Variants in XPR1 observed in about 807,000 individuals in gnomAD.
The protein encoded by XPR1 is solute carrier family 53 member 1.
In XPR1, 28 loss-of-function variants were observed where a neutral mutation model predicts 87.5. The observed-to-expected ratio is 0.32, with a 90% CI of 0.24 to 0.44. The LOEUF (loss-of-function observed/expected upper bound fraction) is 0.44. XPR1 is among the 20% of genes least tolerant of loss of function. The probability of loss-of-function intolerance (pLI) is 1.00; values close to 1 mark genes in which losing one functional copy is unlikely to be tolerated. For synonymous variants in XPR1, 300 were observed against 306.1 expected, an observed-to-expected ratio of 0.98 and a Z score of 0.21; for missense variants, 559 against 862.3, an observed-to-expected ratio of 0.65 and a Z score of 4.41.
chr1:180,770,965 T>C (rs1446916043), intron 2 of XPR1, among the ~76,000 whole-genome samples: 1 of 152,206 alleles, frequency 6.6e-6, no homozygotes, highest in East Asian at 1.9e-4. Context: ...TGGATCTTTT[T>C]ATAATGGGTT....
chr1:180,807,536 A>G (rs1650045142), intron 6 of XPR1, among the ~76,000 whole-genome samples: 1 of 152,164 alleles, frequency 6.6e-6, no homozygotes, highest in Non-Finnish European at 1.5e-5. Context: ...ACTACAAAAC[A>G]CTGCTGAGCA....
chr1:180,784,923 A>T (rs891755816), intron 2 of XPR1, among the ~76,000 whole-genome samples: 1 of 150,450 alleles, frequency 6.6e-6, no homozygotes, highest in Non-Finnish European at 1.5e-5. Flanking sequence ...AAACAAAAAC[A>T]TTGTCCTTCA....
intron 2 of XPR1, among the ~76,000 whole-genome samples, chr1:180,726,999 C>T (rs954203707): frequency 6.6e-6 from 1 of 151,868 alleles, no homozygotes. Context: ...CTCAGCCTCC[C>T]GAGTAGCTGG....
intron 1 of XPR1, among the ~76,000 whole-genome samples, chr1:180,663,430 A>G (rs1254627265): frequency 6.6e-6 from 1 of 152,214 alleles, no homozygotes; most frequent in Non-Finnish European, 1.5e-5. Flanking sequence ...TAAGAGCCAG[A>G]AGAATTCTCT....
intron 2 of XPR1, among the ~76,000 whole-genome samples, chr1:180,717,049 A>G (rs76692439): frequency 0.23 from 35,156 of 152,076 alleles, 4,175 homozygotes; most frequent in Middle Eastern, 0.32. Context: ...CTGGAGTGCA[A>G]TGGCACAATC....
intron 12 of XPR1, among the ~76,000 whole-genome samples, chr1:180,866,812 T>TTA (rs918869607): frequency 6.2e-5 from 3 of 48,470 alleles, no homozygotes; most frequent in African/African-American, 2.8e-4. Flanking sequence ...TTTTTTTTAA[T>TTA]TTTTTTTTTT....
intron 3 of XPR1, among the ~76,000 whole-genome samples, chr1:180,790,961 G>A (rs931937179): frequency 1.3e-5 from 2 of 152,132 alleles, no homozygotes; most frequent in Non-Finnish European, 2.9e-5. Context: ...GAGATAGAAA[G>A]ATAAAGAGGA....
intron 7 of XPR1, among the ~76,000 whole-genome samples, chr1:180,821,645 C>T (rs1309646648): frequency 1.3e-5 from 2 of 152,056 alleles, no homozygotes; most frequent in Non-Finnish European, 2.9e-5. Context: ...GTAGTATTGC[C>T]GTCTTAACAA....
chr1:180,882,256 C>T (rs1224856100), intron 14 of XPR1, among the ~76,000 whole-genome samples: 1 of 152,138 alleles, frequency 6.6e-6, no homozygotes, highest in African/African-American at 2.4e-5. Context: ...AGTTGGTGTA[C>T]AGCGGAGAGA....
At position 180,632,044 on chromosome 1, in the gene XPR1, C is replaced by G. The variant is rs545901824; in HGVS notation, c.-158C>G. The stretch of plus-strand genomic sequence containing the variant: ...GCTATGGAGAGGAGGAGGAAGATGG[C>G]GGGCGGGCTGCTCTGAAGAGACCTC... On this transcript the variant is annotated 5_prime_UTR_variant, in exon 1 of 15. Transcript: ENST00000367590. 2 of 777,736 alleles carry G rather than the reference C, an allele frequency of 2.6e-6. No individual in the cohort carries two copies. The highest frequency in any genetic ancestry group is 2.7e-5 in the East Asian group (1 of 37,330). 48.2% of individuals were successfully genotyped at this position (777,736 alleles called of 1,614,324 possible).
chr1:180,844,668 G>A (rs1318393976), intron 11 of XPR1, among the ~76,000 whole-genome samples: 2 of 152,192 alleles, frequency 1.3e-5, no homozygotes, highest in African/African-American at 4.8e-5. Context: ...ACTGGACTAG[G>A]CTGGGCTCGG....
At chr1:180,862,129 A>G (rs753808647) in intron 11 of XPR1, among the ~76,000 whole-genome samples, 15 of 152,122 alleles carry the variant, frequency 9.9e-5, no homozygotes, top group Non-Finnish European at 2.1e-4. Context: ...TTGGCCTCTC[A>G]TAAGCTGATG....
chr1:180,883,303 TG>T (rs1652902297), intron 14 of XPR1, among the ~76,000 whole-genome samples: 1 of 152,094 alleles, frequency 6.6e-6, no homozygotes, highest in Admixed American at 6.5e-5. Context: ...TCACTTGATA[TG>T]CATACTGTCT....
chr1:180,648,820 T>C, intron 1 of XPR1, among the ~76,000 whole-genome samples: 1 of 152,212 alleles, frequency 6.6e-6, no homozygotes, highest in East Asian at 1.9e-4. Flanking sequence ...AAATCTGATT[T>C]TTAAAATTGT....
chr1:180,636,103 C>T (rs1297513483), intron 1 of XPR1, among the ~76,000 whole-genome samples: 1 of 152,180 alleles, frequency 6.6e-6, no homozygotes. Context: ...TCTGCATGAA[C>T]TACACTTCCA....
chr1:180,651,080 A>G lies in XPR1; in HGVS notation c.69+18810A>G, dbSNP rs1315596536. ...CATAAAGTATCTTGGAAACTGAATGATAGTAGCTGGACATTTGGAATCCAT... is the reference window on the plus strand; with the variant it reads ...CATAAAGTATCTTGGAAACTGAATGGTAGTAGCTGGACATTTGGAATCCAT... On this transcript the variant is annotated intron_variant, in intron 1 of 14. Coordinates refer to ENST00000367590, the MANE Select transcript of XPR1 (RefSeq NM_004736.4). Among the ~76,000 whole-genome samples the G allele has an allele frequency of 2.6e-5, 4 of 151,760 alleles. No homozygotes were observed. In the East Asian group the frequency reaches 7.7e-4, roughly 29 times the overall value.
At chr1:180,650,383 ACAGCACTATGC>A (rs1196156744) in intron 1 of XPR1, among the ~76,000 whole-genome samples, 1 of 152,094 alleles carries the variant, frequency 6.6e-6, no homozygotes, top group Non-Finnish European at 1.5e-5. Context: ...CTACAGGTGC[ACAGCACTATGC>A]CTGGCTCCCC....
chr1:180,832,865 G>A (rs1159696321), intron 9 of XPR1, among the ~76,000 whole-genome samples: 5 of 152,242 alleles, frequency 3.3e-5, no homozygotes, highest in South Asian at 2.1e-4. Context: ...GGTTCCATAC[G>A]AAGTTTGAAG....
intron 11 of XPR1, among the ~76,000 whole-genome samples, chr1:180,837,955 C>T (rs1172533756): frequency 6.6e-6 from 1 of 151,984 alleles, no homozygotes; most frequent in East Asian, 1.9e-4. Context: ...GTTTTTTGGT[C>T]GAATATTTTA....
Sources: gnomAD v4.1 joint callset for allele counts (sites outside exome capture counted in the v4.1 genomes callset) on GRCh38, gnomAD v4.1.1 for gene constraint, MANE v1.5 for transcripts, NCBI Gene and HGNC (gene_info 2026-07-23, HGNC 2026-07-21) for gene names.